Variants in RB1CC1 observed in about 807,000 individuals in gnomAD.
The protein encoded by RB1CC1 is RB1-inducible coiled-coil protein 1.
In RB1CC1, 46 loss-of-function variants were observed where a neutral mutation model predicts 177.5. The ratio of observed to expected loss-of-function variants is 0.26; its 90% CI spans 0.20 to 0.33. The LOEUF (loss-of-function observed/expected upper bound fraction) is 0.33, where lower values mean the gene tolerates loss of function less well. Ranked by LOEUF, RB1CC1 falls within the 10% of genes least tolerant of loss-of-function variation. The pLI, the probability that RB1CC1 is intolerant of heterozygous loss-of-function variation, is 1.00. For missense variants in RB1CC1, 1,703 were observed against 1,816.3 expected (o/e 0.94, Z 1.13); for synonymous variants, 666 against 613.6 (o/e 1.09, Z -1.26).
chr8:52,671,731 A>G lies in RB1CC1; in HGVS notation c.1002+2114T>C, dbSNP rs1271960382. 1.3e-5 allele frequency among the ~76,000 whole-genome samples: 2 copies of G among 152,212 alleles called. 1 individual carries two copies. Among genetic ancestry groups the G allele is most frequent in the Non-Finnish European group, 2.9e-5 (2 of 68,046 alleles). On this transcript the variant is annotated intron_variant, in intron 7 of 23. Transcript: ENST00000025008. ...TCAAACATTTATTTTAAATTCTGGC[A>G]TACACGTGCAGCATGTGCTGGTTTG...
intron 15 of RB1CC1, 99 bp downstream of exon 15, chr8:52,655,909 T>C: frequency 2.1e-6 from 2 of 965,438 alleles, no homozygotes; most frequent in Non-Finnish European, 1.5e-6. Context: ...AGTTGCTACA[T>C]TTACCCAAGG....
At chr8:52,631,459 C>G (rs1347225275) in intron 20 of RB1CC1, among the ~76,000 whole-genome samples, 6 of 152,126 alleles carry the variant, frequency 3.9e-5, no homozygotes, top group Non-Finnish European at 5.9e-5. Context: ...AACAGGCCAT[C>G]TGGAGGCAGA....
rs1219951544 is a variant in RB1CC1, at chr8:52,645,756, T to C, written c.3933A>G (p.Lys1311=). ...KFLEQLEEQE[K]RKNEEMQNVR... The stretch of plus-strand genomic sequence containing the variant: ...CATTTTGCATTTCTTCATTCTTTCT[T>C]TTTTCTTGCTCTTCAAGTTGTTCTA... The change falls in exon 16 of 24, where the codon AAA becomes AAG. Residue 1311 remains lysine, a synonymous_variant. Coordinates refer to ENST00000025008, the MANE Select transcript of RB1CC1 (RefSeq NM_014781.5). The C allele has an allele frequency of 1.2e-6, 2 of 1,612,934 alleles. No homozygotes were observed. The highest frequency in any genetic ancestry group is 8.5e-7 in the Non-Finnish European group (1 of 1,179,576).
Position 52,658,956 on chromosome 8 carries a change from A to G in RB1CC1, c.1710T>C (p.Phe570=), listed in dbSNP as rs2150490033. The part of the protein sequence containing the change: ...PSFCTQKPRK[F]DCELPDISLK... ...ATGAAATATCTGGAAGTTCACAGTC[A>G]AACTTTCGAGGCTTTTGAGTCTGTA... is the stretch of plus-strand genomic sequence containing the variant. Residue 570 remains phenylalanine, a synonymous_variant, in exon 13 of 24, where the codon TTT becomes TTC. Coordinates refer to ENST00000025008, the MANE Select transcript of RB1CC1 (RefSeq NM_014781.5). 6.4e-7 allele frequency: 1 copy of G among 1,564,954 alleles called. No individual in the cohort carries two copies. Among genetic ancestry groups the G allele is most frequent in the South Asian group, 1.2e-5 (1 of 81,682 alleles).
intron 20 of RB1CC1, among the ~76,000 whole-genome samples, chr8:52,632,735 G>T (rs1848856840): frequency 6.6e-6 from 1 of 152,142 alleles, no homozygotes; most frequent in African/African-American, 2.4e-5. Flanking sequence ...GGGAGGTCAA[G>T]CTGGGAACTA....
rs1279947310 is a variant in RB1CC1 at position 52,656,679 on chromosome 8, A to C, written c.3150T>G (p.Val1050=). Residue 1050 remains valine, a synonymous_variant, in exon 15 of 24, where the codon GTT becomes GTG. Transcript: ENST00000025008. Reference sequence around the variant, plus strand: ...TGCATCTCGTGTCTGACAAATCAGAAACCTTGAGTTTTAATTCCTGTAACT... The same window carrying C: ...TGCATCTCGTGTCTGACAAATCAGACACCTTGAGTTTTAATTCCTGTAACT... ...EKQLQELKLK[V]SDLSDTRCKL... is the part of the protein sequence containing the mutation. 6.2e-7 allele frequency: 1 copy of C among 1,613,900 alleles called. No individual in the cohort carries two copies. Among genetic ancestry groups the C allele is most frequent in the Admixed American group, 1.7e-5 (1 of 60,014 alleles).
chr8:52,692,686 G>GA (rs1366931374), intron 1 of RB1CC1, among the ~76,000 whole-genome samples: 2 of 152,156 alleles, frequency 1.3e-5, no homozygotes, highest in Admixed American at 1.3e-4. Context: ...CATGTAGTAA[G>GA]CATATTCTAT....
chr8:52,709,385 T>G (rs946342155), intron 1 of RB1CC1, among the ~76,000 whole-genome samples: 2 of 152,164 alleles, frequency 1.3e-5, no homozygotes, highest in African/African-American at 4.8e-5. Flanking sequence ...TCTCGAGAGA[T>G]TATCATGATG....
At chr8:52,658,579 G>GAAAAAAAAAAAA (rs67680393) in intron 13 of RB1CC1, among the ~76,000 whole-genome samples, 6 of 98,790 alleles carry the variant, frequency 6.1e-5, no homozygotes, top group South Asian at 3.4e-4. Context: ...TCCGTCTCAA[G>GAAAAAAAAAAAA]AAAAAAAAAA....
At chr8:52,630,602 C>T in intron 20 of RB1CC1, 74 bp from the exon 21 acceptor site, 1 of 1,461,300 alleles carries the variant, frequency 6.8e-7, no homozygotes, top group Non-Finnish European at 9.1e-7. Context: ...AAAATTTCAC[C>T]CACTGTTATA....
At chr8:52,651,792 T>G (rs1332457698) in intron 15 of RB1CC1, among the ~76,000 whole-genome samples, 3 of 152,244 alleles carry the variant, frequency 2.0e-5, no homozygotes, top group African/African-American at 7.2e-5. Flanking sequence ...TGTTAACATT[T>G]GGAAGATCTG....
chr8:52,664,795 T>A (rs1851928163), intron 8 of RB1CC1, among the ~76,000 whole-genome samples: 4 of 152,140 alleles, frequency 2.6e-5, no homozygotes, highest in African/African-American at 9.7e-5. Context: ...AGAAAAAGAC[T>A]TTTCCTTGTA....
chr8:52,625,387 G>A (rs1462522038), intron 22 of RB1CC1, among the ~76,000 whole-genome samples: 1 of 152,122 alleles, frequency 6.6e-6, no homozygotes, highest in Non-Finnish European at 1.5e-5. Context: ...TGAAAAATGT[G>A]AGAGAAGACA....
chr8:52,635,010 T>C (rs765560196), intron 19 of RB1CC1, 42 bp from the exon 20 acceptor site: 1 of 1,526,988 alleles, frequency 6.5e-7, no homozygotes, highest in Non-Finnish European at 8.9e-7. Context: ...TCCTTGTACC[T>C]ACTCAAATAA....
chr8:52,692,323 A>G (rs918599181), intron 1 of RB1CC1, among the ~76,000 whole-genome samples: 3 of 152,130 alleles, frequency 2.0e-5, no homozygotes, highest in African/African-American at 4.8e-5. Context: ...TTTCAGGGGG[A>G]AAAAAGCTAC....
In RB1CC1 at chr8:52,656,928, A is replaced by C; in HGVS notation, c.2901T>G (p.Val967=). The C allele has an allele frequency of 6.2e-7, 1 of 1,613,244 alleles. No homozygotes were observed. Among genetic ancestry groups the C allele is most frequent in the Non-Finnish European group, 8.5e-7 (1 of 1,179,926 alleles). ...IVLEDLKKLH[V]ENDEKLQLLR... ...ATAACTGTAACTTCTCATCATTTTC[A>C]ACATGGAGCTTTTTTAAGTCTTCTA... Residue 967 remains valine (V), a synonymous_variant, in exon 15 of 24, where the codon GTT becomes GTG. Coordinates refer to ENST00000025008, the MANE Select transcript of RB1CC1 (RefSeq NM_014781.5).
At position 52,642,798 on chromosome 8, in the gene RB1CC1, A is replaced by G. The variant is rs369063481; in HGVS notation, c.4002T>C (p.Thr1334=). The change falls in exon 17 of 24, where the codon ACT becomes ACC. Residue 1334 remains threonine, a synonymous_variant. Transcript: ENST00000025008. ...LIAEQQTNFN[T]VLTREKMRKE... is the part of the protein sequence containing the mutation. ...TTCTCATTTTCTCTCTTGTTAAAAC[A>G]GTGTTAAAATTGGTCTGGAACAAGA... is the stretch of plus-strand genomic sequence containing the variant. The G allele has an allele frequency of 5.1e-5, 79 of 1,558,752 alleles. 1 individual carries two copies. The highest frequency in any genetic ancestry group is 1.1e-4 in the Admixed American group (5 of 46,142).
At chr8:52,649,772 C>T (rs1011498611) in intron 15 of RB1CC1, among the ~76,000 whole-genome samples, 2 of 152,216 alleles carry the variant, frequency 1.3e-5, no homozygotes, top group Non-Finnish European at 1.5e-5. Flanking sequence ...GATTTCCCAA[C>T]CCACGCAAAC....
intron 21 of RB1CC1, among the ~76,000 whole-genome samples, chr8:52,628,780 G>A (rs192807452): frequency 2.3e-4 from 35 of 152,216 alleles, no homozygotes; most frequent in Non-Finnish European, 2.8e-4. Flanking sequence ...CAGAACTGTT[G>A]TTCAAAACAT....
Sources: allele counts gnomAD v4.1 joint callset (sites outside exome capture counted in the v4.1 genomes callset), GRCh38; gene constraint gnomAD v4.1.1; transcripts MANE v1.5; gene names NCBI Gene and HGNC (gene_info 2026-07-23, HGNC 2026-07-21).